The following PALLD variants were observed in gnomAD, a reference collection of about 807,000 sequenced individuals.
PALLD encodes the protein palladin, cytoskeletal associated protein.
A neutral mutation model predicts 123.5 loss-of-function variants in PALLD; 61 were observed. The observed-to-expected ratio is 0.49, with a 90% CI of 0.40 to 0.61. The LOEUF (loss-of-function observed/expected upper bound fraction) is 0.61, where lower values mean the gene tolerates loss of function less well. Among genes scored for constraint, PALLD ranks in the 20% least tolerant of loss-of-function variants. The pLI is 0.00. For missense variants in PALLD, 1,273 were observed against 1,377.0 expected (o/e 0.92, Z 1.20); for synonymous variants, 465 against 496.4 (o/e 0.94, Z 0.84).
At chr4:168,697,344 A>C (rs1269758820) in intron 8 of PALLD, among the ~76,000 whole-genome samples, 3 of 152,254 alleles carry the variant, frequency 2.0e-5, no homozygotes, top group Non-Finnish European at 4.4e-5. Flanking sequence ...GGTGGGGTAC[A>C]GGAAGCAGGA....
At chr4:168,725,451 C>T (rs1786457190) in intron 10 of PALLD, among the ~76,000 whole-genome samples, 1 of 151,166 alleles carries the variant, frequency 6.6e-6, no homozygotes, top group South Asian at 2.1e-4. Flanking sequence ...CAAAAAAACC[C>T]TAAAAGACAT....
At position 168,781,176 on chromosome 4, in the gene PALLD, C is replaced by T. The variant is rs541273202; in HGVS notation, c.1964+69253C>T. Among the ~76,000 whole-genome samples the T allele has an allele frequency of 2.4e-4, 37 of 152,284 alleles. 1 individual carries two copies. The highest frequency in any genetic ancestry group is 7.9e-4 in the African/African-American group (33 of 41,554). Reference sequence around the variant, plus strand: ...GACTTTTGAGTAGTAAGTTTATCCTCAGGGCCTTTAATAACACCAGCATGG... The same window carrying T: ...GACTTTTGAGTAGTAAGTTTATCCTTAGGGCCTTTAATAACACCAGCATGG... On this transcript the variant is annotated intron_variant, in intron 10 of 21. Coordinates refer to ENST00000505667, the MANE Select transcript of PALLD (RefSeq NM_001166108.2).
At chr4:168,813,976 T>C (rs1741555406) in intron 10 of PALLD, among the ~76,000 whole-genome samples, 1 of 151,546 alleles carries the variant, frequency 6.6e-6, no homozygotes, top group African/African-American at 2.4e-5. Context: ...AAGATGAGAG[T>C]GGGAGGAATT....
At chr4:168,778,848 G>T (rs187557467) in intron 10 of PALLD, among the ~76,000 whole-genome samples, 2 of 152,254 alleles carry the variant, frequency 1.3e-5, no homozygotes, top group Non-Finnish European at 2.9e-5. Context: ...TTTTGTACAG[G>T]CAGAGTCTCA....
intron 10 of PALLD, among the ~76,000 whole-genome samples, chr4:168,774,283 C>T (rs1056503969): frequency 4.6e-5 from 7 of 152,224 alleles, no homozygotes; most frequent in African/African-American, 1.7e-4. Context: ...ACTTATAGTA[C>T]TTACATCCTT....
At chr4:168,668,070 T>G in intron 2 of PALLD, 120 bp from the exon 3 acceptor site, 1 of 804,152 alleles carries the variant, frequency 1.2e-6, no homozygotes, top group Non-Finnish European at 2.1e-6. Flanking sequence ...ACATTGTTTT[T>G]TTTTTAATCA....
chr4:168,502,897 C>T (rs189659847), intron 1 of PALLD, among the ~76,000 whole-genome samples: 1 of 152,274 alleles, frequency 6.6e-6, no homozygotes, highest in East Asian at 1.9e-4. Context: ...GAATGAGACC[C>T]TCACTCAAAA....
intron 8 of PALLD, among the ~76,000 whole-genome samples, chr4:168,708,423 C>A (rs1427561484): frequency 6.6e-6 from 1 of 152,138 alleles, no homozygotes; most frequent in East Asian, 1.9e-4. Context: ...TGACCAAAGT[C>A]ACAAAGGCAA....
chr4:168,656,244 C>T (rs1298616823), intron 2 of PALLD, among the ~76,000 whole-genome samples: 1 of 109,744 alleles, frequency 9.1e-6, no homozygotes, highest in East Asian at 3.3e-4. Flanking sequence ...TCCACCCCCC[C>T]ACCCCCCACC....
chr4:168,761,641 G>GTTTGTTTTTT (rs1445796936), intron 10 of PALLD, among the ~76,000 whole-genome samples: 10 of 11,642 alleles, frequency 8.6e-4, no homozygotes, highest in Admixed American at 4.2e-3. Flanking sequence ...TGTTGTTGTT[G>GTTTGTTTTTT]TTTGTTTTTT....
chr4:168,718,414 TA>T (rs1785580813), intron 10 of PALLD, among the ~76,000 whole-genome samples: 1 of 152,228 alleles, frequency 6.6e-6, no homozygotes, highest in Non-Finnish European at 1.5e-5. Flanking sequence ...TTTTAAAATC[TA>T]GCACACTTTT....
intron 17 of PALLD, among the ~76,000 whole-genome samples, chr4:168,917,748 A>G (rs182894045): frequency 3.9e-5 from 6 of 152,220 alleles, no homozygotes; most frequent in Admixed American, 3.9e-4. Context: ...TAGGATCATT[A>G]TTTATTTTTT....
In PALLD at chr4:168,512,406, G is replaced by C. The variant is rs370466913; in HGVS notation, c.902G>C (p.Arg301Pro). ...ECRVTGNPTP[R>P]VRWFCEGKEL... is the part of the protein sequence containing the mutation. The stretch of plus-strand genomic sequence containing the variant: ...AGAGTCACTGGAAACCCCACTCCTC[G>C]AGTCAGGTATGAATTTTTGTATTAT... The change falls in exon 2 of 22, where the codon CGA becomes CCA. Residue 301 changes from arginine (R) to proline (P), a missense_variant. Arg to Pro is a moderately radical substitution (Grantham distance 103). This residue lies in a region of PALLD where 944 missense variants were observed against 954.5 expected (regional missense o/e 0.99). Coordinates refer to ENST00000505667, the MANE Select transcript of PALLD (RefSeq NM_001166108.2). The C allele has an allele frequency of 1.2e-6, 2 of 1,612,684 alleles. No homozygotes were observed. The highest frequency in any genetic ancestry group is 1.1e-5 in the South Asian group (1 of 91,060).
At chr4:168,721,170 G>C (rs927113958) in intron 10 of PALLD, among the ~76,000 whole-genome samples, 2 of 152,122 alleles carry the variant, frequency 1.3e-5, no homozygotes, top group African/African-American at 4.8e-5. Context: ...TTACATGAAG[G>C]AATACATGAT....
chr4:168,513,606 A>G (rs1038326273), intron 2 of PALLD, among the ~76,000 whole-genome samples: 1 of 152,226 alleles, frequency 6.6e-6, no homozygotes, highest in African/African-American at 2.4e-5. Flanking sequence ...ATACATGGGG[A>G]AAATTAAAGC....
intron 2 of PALLD, among the ~76,000 whole-genome samples, chr4:168,639,748 G>T (rs186935795): frequency 3.3e-5 from 5 of 152,096 alleles, no homozygotes; most frequent in South Asian, 4.2e-4. Flanking sequence ...GTTTCACCGT[G>T]TTAGCCAGGA....
chr4:168,650,656 C>T (rs1777947686), intron 2 of PALLD, among the ~76,000 whole-genome samples: 1 of 151,954 alleles, frequency 6.6e-6, no homozygotes, highest in Non-Finnish European at 1.5e-5. Context: ...TTTTTAACAG[C>T]TTACACCAAA....
At chr4:168,624,172 CAGA>C (rs1775019664) in intron 2 of PALLD, among the ~76,000 whole-genome samples, 2 of 144,880 alleles carry the variant, frequency 1.4e-5, no homozygotes, top group Admixed American at 1.4e-4. Flanking sequence ...AATATCGATA[CAGA>C]AAATTCTAAA....
At chr4:168,645,759 G>A (rs564683574) in intron 2 of PALLD, among the ~76,000 whole-genome samples, 1 of 152,154 alleles carries the variant, frequency 6.6e-6, no homozygotes, top group East Asian at 1.9e-4. Context: ...TAAAGGAGCT[G>A]TGCAGAGTGA....
Sources: gnomAD v4.1 joint callset for allele counts (sites outside exome capture counted in the v4.1 genomes callset) on GRCh38, gnomAD v4.1.1 for gene constraint, gnomAD v4.1.1 regional missense constraint, MANE v1.5 for transcripts, NCBI Gene and HGNC (gene_info 2026-07-23, HGNC 2026-07-21) for gene names.